ENTPD1: variants seen among roughly 807,000 people sequenced by gnomAD.
ENTPD1 encodes ATP diphosphohydrolase.
Under a neutral mutation model 57.0 loss-of-function variants are expected in ENTPD1, and 33 were observed. The observed-to-expected ratio is 0.58, with a 90% CI of 0.44 to 0.77. The LOEUF (loss-of-function observed/expected upper bound fraction) is 0.77. Among genes scored for constraint, ENTPD1 ranks in the 30% least tolerant of loss-of-function variants. The pLI, the probability that ENTPD1 is intolerant of heterozygous loss-of-function variation, is 0.00. For synonymous variants in ENTPD1, 202 were observed against 218.8 expected, an observed-to-expected ratio of 0.92 and a Z score of 0.68; for missense variants, 501 against 603.4, an observed-to-expected ratio of 0.83 and a Z score of 1.78.
rs2098482394 is a variant in ENTPD1, at chr10:95,873,253, A to T, written c.*6870A>T. 6 of 985,402 alleles carry T rather than the reference A, an allele frequency of 6.1e-6. No homozygotes were observed. The highest frequency in any genetic ancestry group is 7.2e-6 in the Non-Finnish European group (6 of 829,926). The allele number at this position is 985,402 out of a possible 1,614,324, so 61.0% of individuals were successfully genotyped here. On this transcript the variant is annotated 3_prime_UTR_variant, in exon 10 of 10. Coordinates refer to ENST00000371205, the MANE Select transcript of ENTPD1 (RefSeq NM_001776.6). ...ATCAGTGTTCATCCACTACCTGACT[A>T]CTGTCATTCACAGGCATTCTGTTCC...
rs182710703 is a variant in ENTPD1, at chr10:95,817,873, T to C, written c.17-5364T>C. The stretch of plus-strand genomic sequence containing the variant: ...TAGGGACATTTCTCACTTTGGGTTA[T>C]TGCTGTAGCTCAGAGCCTAGGGCAG... On this transcript the variant is annotated intron_variant, in intron 1 of 9. Coordinates refer to ENST00000371205, the MANE Select transcript of ENTPD1 (RefSeq NM_001776.6). Among the ~76,000 whole-genome samples the C allele has an allele frequency of 2.9e-4, 44 of 152,350 alleles. 1 individual carries two copies. Among genetic ancestry groups the C allele is most frequent in the African/African-American group, 1.0e-3 (43 of 41,590 alleles).
Position 95,876,755 on chromosome 10 carries a change from C to A in ENTPD1, c.*10372C>A. On this transcript the variant is annotated 3_prime_UTR_variant, in exon 10 of 10. Transcript: ENST00000371205. ...ATATAATACACATCCATGTGCCCAT[C>A]ACAGAACTTCACTGATTATCATCAT... 2 of 683,160 alleles carry A rather than the reference C, an allele frequency of 2.9e-6. No individual in the cohort carries two copies. The highest frequency in any genetic ancestry group is 3.9e-6 in the Non-Finnish European group (2 of 514,792). 42.3% of individuals were successfully genotyped at this position (683,160 alleles called of 1,614,324 possible). A position where few individuals can be genotyped will look rare whatever the true frequency, so the allele number is the denominator to read the frequency against.
chr10:95,727,042 G>GC (rs2139841133), intron 1 of ENTPD1, among the ~76,000 whole-genome samples: 1 of 152,218 alleles, frequency 6.6e-6, no homozygotes, highest in Non-Finnish European at 1.5e-5. Context: ...AGTAAATTAT[G>GC]CCCCAGCTCA....
At chr10:95,788,552 G>C (rs1477704439) in intron 1 of ENTPD1, among the ~76,000 whole-genome samples, 1 of 152,062 alleles carries the variant, frequency 6.6e-6, no homozygotes, top group Non-Finnish European at 1.5e-5. Flanking sequence ...GGGAGGTGGA[G>C]GTTGCAGTGA....
chr10:95,699,594 C>T, the ENTPD1 span, among the ~76,000 whole-genome samples: 1 of 145,218 alleles, frequency 6.9e-6, no homozygotes. Context: ...GGTGACAGAG[C>T]AAAATCCTGT....
chr10:95,706,248 T>C, the ENTPD1 span, among the ~76,000 whole-genome samples: 2 of 152,218 alleles, frequency 1.3e-5, no homozygotes, highest in African/African-American at 4.8e-5. Flanking sequence ...TATGGGATCT[T>C]TGGGTTGTCA....
chr10:95,839,468 G>T, intron 2 of ENTPD1: 1 of 579,890 alleles, frequency 1.7e-6, no homozygotes. Context: ...TCTGCATAAG[G>T]TCTGAATATT....
upstream of ENTPD1, chr10:95,755,650 C>A: frequency 1.3e-6 from 2 of 1,527,872 alleles, no homozygotes; most frequent in South Asian, 1.2e-5. Flanking sequence ...TCGCTTGGGT[C>A]ACCTGTTGCT....
At position 95,867,174 on chromosome 10, in the gene ENTPD1, CA is replaced by C. The variant is rs1231062262; in HGVS notation, c.*797del. The C allele has an allele frequency of 1.0e-6, 1 of 985,326 alleles. No homozygotes were observed. Among genetic ancestry groups the C allele is most frequent in the East Asian group, 1.1e-4 (1 of 8,822 alleles). 61.0% of individuals were successfully genotyped at this position (985,326 alleles called of 1,614,324 possible). A position where few individuals can be genotyped will look rare whatever the true frequency, so the allele number is the denominator to read the frequency against. On this transcript the variant is annotated 3_prime_UTR_variant, in exon 10 of 10. Transcript: ENST00000371205. ...AAAATACAGTTACAACTCAGGGTCACAAAAAATGCATCTTCCAATGCATATT... is the reference window on the plus strand; with the variant it reads ...AAAATACAGTTACAACTCAGGGTCACAAAAATGCATCTTCCAATGCATATT...
rs1402019519 is a variant in ENTPD1 at position 95,823,334 on chromosome 10, C to A, written c.114C>A (p.Thr38=). The change falls in exon 2 of 10, where the codon ACC becomes ACA. Residue 38 remains threonine (T), a synonymous_variant. Transcript: ENST00000371205. ...TAGCTTTGCTTGCTGTGGGGTTGACCCAGAACAAAGCATTGCCAGAAAACG... is the reference window on the plus strand; with the variant it reads ...TAGCTTTGCTTGCTGTGGGGTTGACACAGAACAAAGCATTGCCAGAAAACG... The part of the protein sequence containing the change: ...AVIALLAVGL[T]QNKALPENVK... The A allele has an allele frequency of 2.5e-6, 4 of 1,614,084 alleles. No homozygotes were observed. The highest frequency in any genetic ancestry group is 2.5e-6 in the Non-Finnish European group (3 of 1,179,998).
At chr10:95,746,647 G>T (rs979488065) in intron 1 of ENTPD1, among the ~76,000 whole-genome samples, 1 of 152,122 alleles carries the variant, frequency 6.6e-6, no homozygotes, top group Non-Finnish European at 1.5e-5. Context: ...AAGGGACGGG[G>T]CATTTTTTGA....
At chr10:95,699,636 G>C in the ENTPD1 span, among the ~76,000 whole-genome samples, 4 of 151,462 alleles carry the variant, frequency 2.6e-5, no homozygotes, top group African/African-American at 9.7e-5. Context: ...GATTGAGAGA[G>C]AGAAAGAGAG....
chr10:95,724,553 A>T (rs1023786786), intron 1 of ENTPD1, among the ~76,000 whole-genome samples: 1 of 152,190 alleles, frequency 6.6e-6, no homozygotes, highest in African/African-American at 2.4e-5. Flanking sequence ...AGAACCATGG[A>T]ACCCAGCGAC....
intron 6 of ENTPD1, chr10:95,846,192 A>G (rs1264637616): frequency 6.5e-6 from 1 of 154,160 alleles, no homozygotes; most frequent in Non-Finnish European, 1.4e-5. Context: ...ACATGGTGAA[A>G]CCCCATCTCT....
chr10:95,862,584 G>T (rs1007592405), intron 8 of ENTPD1, among the ~76,000 whole-genome samples: 1 of 152,212 alleles, frequency 6.6e-6, no homozygotes, highest in African/African-American at 2.4e-5. Flanking sequence ...CACTCAGTCA[G>T]GTACCTGAAG....
intron 1 of ENTPD1, among the ~76,000 whole-genome samples, chr10:95,719,034 A>C (rs758725200): frequency 6.6e-6 from 1 of 152,214 alleles, no homozygotes; most frequent in Non-Finnish European, 1.5e-5. Flanking sequence ...CTCCTTTAGC[A>C]GTGAGTATGC....
intron 1 of ENTPD1, among the ~76,000 whole-genome samples, chr10:95,775,140 G>T (rs4463786): frequency 0.27 from 40,892 of 151,952 alleles, 6,343 homozygotes; most frequent in Admixed American, 0.38. Context: ...TTTGTTATTG[G>T]TGTATAAGAA....
intron 1 of ENTPD1, among the ~76,000 whole-genome samples, chr10:95,774,157 C>G (rs1208871808): frequency 2.0e-5 from 3 of 152,178 alleles, no homozygotes; most frequent in African/African-American, 7.2e-5. Flanking sequence ...TGTTCATATC[C>G]TTTGCCCACT....
chr10:95,694,509 A>C, the ENTPD1 span, among the ~76,000 whole-genome samples: 1 of 152,100 alleles, frequency 6.6e-6, no homozygotes, highest in Non-Finnish European at 1.5e-5. Context: ...AAAGAAATGC[A>C]TCAAATCATT....
Sources: allele counts gnomAD v4.1 joint callset (sites outside exome capture counted in the v4.1 genomes callset), GRCh38; gene constraint gnomAD v4.1.1; transcripts MANE v1.5; gene names NCBI Gene and HGNC (gene_info 2026-07-23, HGNC 2026-07-21).